ANOS1: variants seen among roughly 807,000 people sequenced by gnomAD.
ANOS1 encodes the protein anosmin 1.
Under a neutral mutation model 59.0 loss-of-function variants are expected in ANOS1, and 6 were observed. The observed-to-expected ratio is 0.10, with a 90% CI of 0.06 to 0.20. ANOS1 has a LOEUF of 0.20. Ranked by LOEUF, ANOS1 falls within the 10% of genes least tolerant of loss-of-function variation. The pLI, the probability that ANOS1 is intolerant of heterozygous loss-of-function variation, is 1.00. For missense variants in ANOS1, 433 were observed against 542.3 expected, an observed-to-expected ratio of 0.80 and a Z score of 2.00; for synonymous variants, 217 against 223.4, an observed-to-expected ratio of 0.97 and a Z score of 0.25.
intron 1 of ANOS1, among the ~76,000 whole-genome samples, chrX:8,718,993 T>A (rs992148663): frequency 2.6e-4 from 29 of 112,234 alleles, no homozygotes; most frequent in African/African-American, 8.7e-4. Context: ...CTATTCGTTA[T>A]GATTGTAAAG....
At chrX:8,543,464 T>C (rs1929718792) in intron 9 of ANOS1, among the ~76,000 whole-genome samples, 1 of 111,199 alleles carries the variant, frequency 9.0e-6, no homozygotes, top group Admixed American at 9.6e-5. Context: ...AAGTCATTTA[T>C]ACAAACATCA....
At chrX:8,725,903 A>C (rs1932916184) in intron 1 of ANOS1, among the ~76,000 whole-genome samples, 1 of 109,769 alleles carries the variant, frequency 9.1e-6, no homozygotes, top group Non-Finnish European at 1.9e-5. Flanking sequence ...AACACAAAAA[A>C]TTGCAATGAA....
intron 2 of ANOS1, among the ~76,000 whole-genome samples, chrX:8,680,162 CAAAAA>C (rs754341783): frequency 3.5e-5 from 1 of 28,515 alleles, no homozygotes; most frequent in African/African-American, 1.1e-4. Context: ...GAGACTCCAT[CAAAAA>C]AAAAAAAAAA....
intron 2 of ANOS1, among the ~76,000 whole-genome samples, chrX:8,679,493 T>C (rs1396250494): frequency 9.1e-6 from 1 of 109,501 alleles, no homozygotes; most frequent in African/African-American, 3.3e-5. Context: ...GTCAAATGTT[T>C]CACACTTTTA....
chrX:8,670,321 T>C (rs1932234811), intron 2 of ANOS1, among the ~76,000 whole-genome samples: 1 of 111,400 alleles, frequency 9.0e-6, no homozygotes, highest in Non-Finnish European at 1.9e-5. Context: ...AAGTTTTATT[T>C]TTCTAATCAT....
At chrX:8,592,635 TAAAA>T (rs1930641727) in intron 4 of ANOS1, among the ~76,000 whole-genome samples, 1 of 111,105 alleles carries the variant, frequency 9.0e-6, no homozygotes, top group Non-Finnish European at 1.9e-5. Flanking sequence ...CACCAAGCCA[TAAAA>T]TAGACTTAGA....
chrX:8,536,141 T>C (rs759913896), intron 11 of ANOS1, among the ~76,000 whole-genome samples: 39 of 101,422 alleles, frequency 3.8e-4, no homozygotes, highest in Non-Finnish European at 7.1e-4. Flanking sequence ...TTGACTGCAG[T>C]GAGAAGGTAA....
intron 2 of ANOS1, among the ~76,000 whole-genome samples, chrX:8,683,838 C>G (rs186626134): frequency 1.9e-3 from 209 of 111,866 alleles, no homozygotes; most frequent in African/African-American, 6.3e-3. Flanking sequence ...TTGTCCGGAT[C>G]AGGAGGTAAC....
At chrX:8,728,430 C>G (rs781151267) in intron 1 of ANOS1, among the ~76,000 whole-genome samples, 86 of 111,972 alleles carry the variant, frequency 7.7e-4, no homozygotes, top group African/African-American at 2.8e-3. Flanking sequence ...AGGTGCTTCT[C>G]TCCCCCACTG....
intron 6 of ANOS1, among the ~76,000 whole-genome samples, chrX:8,584,056 C>A (rs186371910): frequency 1.8e-5 from 2 of 111,947 alleles, no homozygotes. Context: ...ATTAATTCAG[C>A]ATCTGTCTCT....
At chrX:8,546,995 G>T (rs950975772) in intron 9 of ANOS1, among the ~76,000 whole-genome samples, 1 of 111,560 alleles carries the variant, frequency 9.0e-6, no homozygotes, top group Non-Finnish European at 1.9e-5. Context: ...AATAAATTAT[G>T]TGGTCACTTG....
chrX:8,540,489 T>C (rs1239739034), intron 9 of ANOS1, among the ~76,000 whole-genome samples: 3 of 110,832 alleles, frequency 2.7e-5, no homozygotes, highest in Non-Finnish European at 5.7e-5. Flanking sequence ...ATATTTTCTG[T>C]ACATTTCTTT....
chrX:8,553,816 A>G, intron 9 of ANOS1, 136 bp downstream of exon 9: 1 of 526,175 alleles, frequency 1.9e-6, no homozygotes, highest in Non-Finnish European at 3.3e-6. Context: ...ATAACCGTCA[A>G]CTCATTCAGA....
intron 2 of ANOS1, among the ~76,000 whole-genome samples, chrX:8,666,834 G>T (rs1004246252): frequency 9.0e-6 from 1 of 111,566 alleles, no homozygotes; most frequent in Non-Finnish European, 1.9e-5. Context: ...TTCATAACTG[G>T]AAATTTTGAC....
intron 2 of ANOS1, among the ~76,000 whole-genome samples, chrX:8,658,536 T>G (rs1261138519): frequency 8.9e-6 from 1 of 112,436 alleles, no homozygotes; most frequent in Non-Finnish European, 1.9e-5. Flanking sequence ...ATCTATCTGT[T>G]GGATGGATGA....
intron 3 of ANOS1, among the ~76,000 whole-genome samples, chrX:8,609,480 G>A (rs1280029672): frequency 8.9e-6 from 1 of 111,811 alleles, no homozygotes; most frequent in Admixed American, 9.5e-5. Context: ...CTGCCCCAAA[G>A]TGAACATTGA....
At chrX:8,582,232 G>A (rs1235511635) in intron 6 of ANOS1, among the ~76,000 whole-genome samples, 1 of 112,375 alleles carries the variant, frequency 8.9e-6, no homozygotes, top group African/African-American at 3.2e-5. Flanking sequence ...GGGCAACGTG[G>A]ATTTGTTTGC....
intron 3 of ANOS1, among the ~76,000 whole-genome samples, chrX:8,613,718 G>A (rs1353697460): frequency 2.8e-5 from 3 of 107,985 alleles, no homozygotes; most frequent in Non-Finnish European, 3.9e-5. Flanking sequence ...ATGGCTCACT[G>A]CAGTCTCGAC....
chrX:8,586,511 A>G (rs141986681), intron 5 of ANOS1, among the ~76,000 whole-genome samples: 1,270 of 112,257 alleles, frequency 0.011, 12 homozygotes, highest in Non-Finnish European at 0.016. Flanking sequence ...TAGCACTAAC[A>G]GTAAAAAATA....
Sources: allele counts gnomAD v4.1 joint callset (sites outside exome capture counted in the v4.1 genomes callset), GRCh38; gene constraint gnomAD v4.1.1; transcripts MANE v1.5; gene names NCBI Gene and HGNC (gene_info 2026-07-23, HGNC 2026-07-21).